Variants in FAM90A1 observed in about 807,000 individuals in gnomAD.
The protein encoded by FAM90A1 is protein FAM90A1.
FAM90A1 carries 10 observed loss-of-function variants against 14.8 expected under a neutral mutation model. The ratio of observed to expected loss-of-function variants is 0.67; its 90% CI spans 0.42 to 1.14. FAM90A1 has a LOEUF of 1.14. Ranked by LOEUF, FAM90A1 falls within the 50% of genes most tolerant of loss-of-function variation. The pLI, the probability that FAM90A1 is intolerant of heterozygous loss-of-function variation, is 0.00. For synonymous variants in FAM90A1, 236 were observed against 248.4 expected, an observed-to-expected ratio of 0.95 and a Z score of 0.47; for missense variants, 567 against 602.8, an observed-to-expected ratio of 0.94 and a Z score of 0.62.
At chr12:8,227,451 G>A (rs1591641245) in intron 1 of FAM90A1, 29 bp downstream of exon 1, 1 of 537,312 alleles carries the variant, frequency 1.9e-6, no homozygotes, top group African/African-American at 1.9e-5. Context: ...TCCACCCAGT[G>A]GGCGGTCGGG....
intron 4 of FAM90A1, among the ~76,000 whole-genome samples, 185 bp downstream of exon 4, chr12:8,224,525 T>C (rs1346899159): frequency 1.3e-5 from 2 of 152,146 alleles, no homozygotes; most frequent in Non-Finnish European, 1.5e-5. Flanking sequence ...CCCAAGAGTC[T>C]CTCAAGGGGC....
In FAM90A1 at chr12:8,222,741, G is replaced by C. The variant is rs757019215; in HGVS notation, c.476C>G (p.Pro159Arg). The change falls in exon 7 of 7, where the codon CCG (proline) becomes CGG (arginine). Residue 159 changes from proline to arginine, a missense_variant. Coordinates refer to ENST00000538603, the MANE Select transcript of FAM90A1 (RefSeq NM_018088.3). ...ATCAGAGAGGACAGGGTCCACACGC[G>C]GCCTCTTACTGGTTGTGTGGACCGG... ...PMPVHTTSKR[P>R]RVDPVLSDRS... The C allele has an allele frequency of 6.2e-7, 1 of 1,603,230 alleles. No homozygotes were observed. Among genetic ancestry groups the C allele is most frequent in the Non-Finnish European group, 8.5e-7 (1 of 1,179,714 alleles).
At position 8,224,050 on chromosome 12, in the gene FAM90A1, T is replaced by C. The variant is rs763431531; in HGVS notation, c.289A>G (p.Asn97Asp). 3 of 1,611,986 alleles carry C rather than the reference T, an allele frequency of 1.9e-6. No homozygotes were observed. Among genetic ancestry groups the C allele is most frequent in the Non-Finnish European group, 1.7e-6 (2 of 1,179,836 alleles). Reference sequence around the variant, plus strand: ...TCTTCCTTCTCTCCCTTATCCTTGTTCAAGGGCCCAGGGTTCGCTTCAACC... The same window carrying C: ...TCTTCCTTCTCTCCCTTATCCTTGTCCAAGGGCCCAGGGTTCGCTTCAACC... ...PQVEANPGPL[N>D]KDKGEKEERP... Residue 97 changes from asparagine to aspartate, a missense_variant, in exon 5 of 7, where the codon AAC (asparagine) becomes GAC (aspartate). Asn to Asp is a conservative substitution (Grantham distance 23). Transcript: ENST00000538603.
Position 8,221,572 on chromosome 12 carries a change from C to T in FAM90A1, c.*250G>A, listed in dbSNP as rs1469470798. On this transcript the variant is annotated 3_prime_UTR_variant, in exon 7 of 7. Transcript: ENST00000538603. ...AGTTTCTGAGGCAACGAATCACTGG[C>T]ACGGAAGCTTTTCCTGGCGCGTTTC... 5.3e-6 allele frequency: 3 copies of T among 569,734 alleles called. No individual in the cohort carries two copies. The highest frequency in any genetic ancestry group is 9.3e-6 in the Non-Finnish European group (3 of 322,090). 35.3% of individuals were successfully genotyped at this position (569,734 alleles called of 1,614,324 possible). A position where few individuals can be genotyped will look rare whatever the true frequency, so the allele number is the denominator to read the frequency against.
At chr12:8,223,008 G>C (rs1335576916) in intron 6 of FAM90A1, among the ~76,000 whole-genome samples, 1 of 152,228 alleles carries the variant, frequency 6.6e-6, no homozygotes, top group African/African-American at 2.4e-5. Context: ...GCACACCATT[G>C]TTCAAAAGAT....
intron 3 of FAM90A1, 22 bp from the exon 4 acceptor site, chr12:8,224,910 A>G: frequency 6.4e-7 from 1 of 1,553,632 alleles, no homozygotes. Flanking sequence ...ACAAACACAC[A>G]CAAGTCGATG....
In FAM90A1 at chr12:8,222,679, A is replaced by T. The variant is rs1285752891; in HGVS notation, c.538T>A (p.Leu180Ile). The change falls in exon 7 of 7, where the codon TTA (leucine) becomes ATA (isoleucine). Residue 180 changes from leucine (L) to isoleucine (I), a missense_variant. Transcript: ENST00000538603. Reference protein sequence around the residue: ...ATEMSDRGSVLASLSPLRKAS... With the variant: ...ATEMSDRGSVIASLSPLRKAS... ...TTTCTGAGGGGAGACAGTGAAGCTA[A>T]GACGGAGCCCCTGTCAGACATTTCG... The T allele has an allele frequency of 6.2e-7, 1 of 1,610,222 alleles. No individual in the cohort carries two copies.
At position 8,221,944 on chromosome 12, in the gene FAM90A1, C is replaced by G. The variant is rs376033532; in HGVS notation, c.1273G>C (p.Ala425Pro). The change falls in exon 7 of 7, where the codon GCT becomes CCT. Residue 425 changes from alanine (A) to proline (P), a missense_variant. Physicochemically the swap from Ala to Pro is conservative, Grantham distance 27. Transcript: ENST00000538603. ...HSPEKPGAFL[A>P]QSPHVSEKSE... is the part of the protein sequence containing the mutation. ...TTCTCTGAGACATGAGGGCTCTGAG[C>G]GAGGAAGGCTCCCGGCTTCTCAGGA... is the stretch of plus-strand genomic sequence containing the variant. 3.8e-5 allele frequency: 61 copies of G among 1,596,434 alleles called. No individual in the cohort carries two copies. The highest frequency in any genetic ancestry group is 5.2e-5 in the Non-Finnish European group (61 of 1,179,758).
intron 6 of FAM90A1, among the ~76,000 whole-genome samples, chr12:8,223,193 T>A (rs902339843): frequency 1.3e-5 from 2 of 152,224 alleles, no homozygotes; most frequent in African/African-American, 4.8e-5. Flanking sequence ...TCTGAGGGAC[T>A]AATTTCCTCA....
intron 4 of FAM90A1, 133 bp from the exon 5 acceptor site, chr12:8,224,348 G>A (rs1330024084): frequency 1.2e-5 from 10 of 826,556 alleles, no homozygotes; most frequent in Middle Eastern, 3.4e-4. Context: ...CATGGGGGCC[G>A]TTAAGTGCTG....
At chr12:8,226,054 C>T (rs1165944266) in intron 2 of FAM90A1, 62 bp from the exon 3 acceptor site, 1 of 152,024 alleles carries the variant, frequency 6.6e-6, no homozygotes, top group African/African-American at 2.4e-5. Context: ...TTAACTTAAT[C>T]CAATTACATG....
rs1426971696 is a variant in FAM90A1, at chr12:8,225,000, C to T, written c.-56-112G>A. ...CCGGTGTGGTCATGAGGAGACCTCACCACCAGTCGGTCAAATCTGTGGAAC... is the reference window on the plus strand; with the variant it reads ...CCGGTGTGGTCATGAGGAGACCTCATCACCAGTCGGTCAAATCTGTGGAAC... On this transcript the variant is annotated intron_variant, in intron 3 of 6. Transcript: ENST00000538603. The T allele has an allele frequency of 8.1e-6, 6 of 740,882 alleles. No individual in the cohort carries two copies. In the East Asian group the frequency reaches 1.6e-4, roughly 20 times the overall value. The allele number at this position is 740,882 out of a possible 1,614,324, so 45.9% of individuals were successfully genotyped here. A position where few individuals can be genotyped will look rare whatever the true frequency, so the allele number is the denominator to read the frequency against.
In FAM90A1 at chr12:8,222,492, T is replaced by TG; in HGVS notation, c.724dup (p.Gln242ProfsTer83). On this transcript the variant is annotated frameshift_variant, in exon 7 of 7. Coordinates refer to ENST00000538603, the MANE Select transcript of FAM90A1 (RefSeq NM_018088.3). LOFTEE classifies it low-confidence loss of function (END_TRUNC). The stretch of plus-strand genomic sequence containing the variant: ...CAGGCCGTGGGTTTTGGAGGCAGCC[T>TG]GGGGAACTTCTCGACAGCCACCCGC... The TG allele has an allele frequency of 6.2e-7, 1 of 1,610,504 alleles. No homozygotes were observed.
At position 8,222,545 on chromosome 12, in the gene FAM90A1, G is replaced by T. The variant is rs370573998; in HGVS notation, c.672C>A (p.Leu224=). The change falls in exon 7 of 7, where the codon CTC becomes CTA. Residue 224 remains leucine, a synonymous_variant. Transcript: ENST00000538603. ...AVRHQGPEPL[L]VVKPTHSSPA... ...GGCTGCTGTGTGTCGGCTTCACCAC[G>T]AGGAGAGGCTCGGGGCCCTGGTGCC... The T allele has an allele frequency of 3.4e-5, 54 of 1,611,908 alleles. No homozygotes were observed. The highest frequency in any genetic ancestry group is 3.1e-5 in the Non-Finnish European group (36 of 1,179,874).
rs1948911740 is a variant in FAM90A1, at chr12:8,224,899, C to A, written c.-56-11G>T. 1 of 1,537,766 alleles carries A rather than the reference C, an allele frequency of 6.5e-7. No individual in the cohort carries two copies. The highest frequency in any genetic ancestry group is 1.7e-5 in the Admixed American group (1 of 59,144). On this transcript the variant is annotated splice_polypyrimidine_tract_variant and intron_variant, in intron 3 of 6. Transcript: ENST00000538603. ...TGATTGTCGGGTCACCTGAAACACA[C>A]ACAAACACACACAAGTCGATGGTTA...
rs148315042 is a variant in FAM90A1, at chr12:8,221,906, G to A, written c.1311C>T (p.Pro437=). The A allele has an allele frequency of 1.9e-3, 3,005 of 1,596,360 alleles. 7 individuals carry two copies. Among genetic ancestry groups the A allele is most frequent in the Middle Eastern group, 0.01 (45 of 4,424 alleles). Residue 437 remains proline, a synonymous_variant, in exon 7 of 7, where the codon CCC becomes CCT. Transcript: ENST00000538603. ...SPHVSEKSEG[P]CVRVPPSVLY... Reference sequence around the variant, plus strand: ...GGACGCTTGGTGGGACACGAACACAGGGACCCTCAGACTTCTCTGAGACAT... The same window carrying A: ...GGACGCTTGGTGGGACACGAACACAAGGACCCTCAGACTTCTCTGAGACAT...
chr12:8,227,313 G>A (rs1187276008), intron 1 of FAM90A1, among the ~76,000 whole-genome samples, 167 bp downstream of exon 1: 1 of 152,208 alleles, frequency 6.6e-6, no homozygotes, highest in African/African-American at 2.4e-5. Flanking sequence ...TTTGGAACCT[G>A]CGCCGTGTGC....
intron 4 of FAM90A1, 40 bp downstream of exon 4, chr12:8,224,670 C>A (rs1336362705): frequency 1.6e-6 from 2 of 1,229,094 alleles, no homozygotes; most frequent in East Asian, 2.6e-5. Context: ...CCCGCCCCCA[C>A]CCCCACCCCA....
chr12:8,224,138 G>A lies in FAM90A1; in HGVS notation c.201C>T (p.Ala67=). Residue 67 remains alanine, a synonymous_variant, in exon 5 of 7, where the codon GCC becomes GCT. Transcript: ENST00000538603. The part of the protein sequence containing the change: ...TRCPMKCWKA[A]LVPPNFGEKE... ...TTTCCCCAAAGTTCGGTGGAACCAGGGCTGCCTTCCAGCACTTCATGGGGC... is the reference window on the plus strand; with the variant it reads ...TTTCCCCAAAGTTCGGTGGAACCAGAGCTGCCTTCCAGCACTTCATGGGGC... The A allele has an allele frequency of 1.2e-6, 2 of 1,612,052 alleles. No homozygotes were observed. Among genetic ancestry groups the A allele is most frequent in the Non-Finnish European group, 1.7e-6 (2 of 1,179,862 alleles).
Sources: gnomAD v4.1 joint callset for allele counts (sites outside exome capture counted in the v4.1 genomes callset) on GRCh38, gnomAD v4.1.1 for gene constraint, MANE v1.5 for transcripts, NCBI Gene and HGNC (gene_info 2026-07-23, HGNC 2026-07-21) for gene names.